TMEM176A: variants seen among roughly 807,000 people sequenced by gnomAD.
TMEM176A encodes transmembrane protein 176A, also known as hepatocellular carcinoma-associated antigen 112.
A neutral mutation model predicts 27.9 loss-of-function variants in TMEM176A; 20 were observed. The observed-to-expected ratio is 0.72, with a 90% CI of 0.50 to 1.04. The LOEUF is 1.04. Ranked by LOEUF, TMEM176A falls within the 50% of genes least tolerant of loss-of-function variation. The pLI, the probability that TMEM176A is intolerant of heterozygous loss-of-function variation, is 0.00. For synonymous variants in TMEM176A, 125 were observed against 118.0 expected, an observed-to-expected ratio of 1.06 and a Z score of -0.38; for missense variants, 252 against 289.1, an observed-to-expected ratio of 0.87 and a Z score of 0.93.
At chr7:150,803,897 A>G in intron 5 of TMEM176A, 65 bp downstream of exon 5, 2 of 1,498,864 alleles carry the variant, frequency 1.3e-6, no homozygotes, top group East Asian at 2.3e-5. Context: ...GGCCAGGGGC[A>G]AGAGTCAGGT....
chr7:150,800,865 T>A, intron 1 of TMEM176A, 37 bp downstream of exon 1: 6 of 976,392 alleles, frequency 6.1e-6, no homozygotes, highest in Non-Finnish European at 7.3e-6. Context: ...CCCCCGGGCC[T>A]CCTTCCGCAC....
At position 150,803,439 on chromosome 7, in the gene TMEM176A, C is replaced by T. The variant is rs117401275; in HGVS notation, c.325C>T (p.Arg109Trp). The change falls in exon 4 of 7, where the codon CGG becomes TGG. Residue 109 changes from arginine to tryptophan, a missense_variant. Physicochemically the swap from Arg to Trp is moderately radical, Grantham distance 101. Coordinates refer to ENST00000004103, the MANE Select transcript of TMEM176A (RefSeq NM_018487.3). ...AGAAAFIYEK[R>W]GGTYWALLRT... ...AGCTGCTGCCTTCATTTACGAGAAA[C>T]GGGGTGGTACATACTGGGTAAGTTC... 16,475 of 1,595,628 alleles carry T rather than the reference C, an allele frequency of 0.01. 126 individuals are homozygous for T. Among genetic ancestry groups the T allele is most frequent in the Middle Eastern group, 0.019 (115 of 5,948 alleles).
At chr7:150,801,139 C>G in intron 1 of TMEM176A, 1 of 270,754 alleles carries the variant, frequency 3.7e-6, no homozygotes, top group Non-Finnish European at 5.7e-6. Flanking sequence ...CACAGGAGCT[C>G]CACAGGCAGC....
chr7:150,802,265 C>T lies in TMEM176A; in HGVS notation c.225C>T (p.Phe75=), dbSNP rs139910384. 4.2e-5 allele frequency: 67 copies of T among 1,613,720 alleles called. 1 individual carries two copies. The highest frequency in any genetic ancestry group is 3.3e-4 in the Middle Eastern group (2 of 6,062). Reference sequence around the variant, plus strand: ...TGAGTGCAGTCCTAGGAGGATTTTTCTACATCCGCGACTACACCCTCCTCG... The same window carrying T: ...TGAGTGCAGTCCTAGGAGGATTTTTTTACATCCGCGACTACACCCTCCTCG... ...GILSAVLGGF[F]YIRDYTLLVT... is the part of the protein sequence containing the mutation. The change falls in exon 3 of 7, where the codon TTC becomes TTT. Residue 75 remains phenylalanine (F), a synonymous_variant. Coordinates refer to ENST00000004103, the MANE Select transcript of TMEM176A (RefSeq NM_018487.3).
intron 4 of TMEM176A, 29 bp downstream of exon 4, chr7:150,803,485 A>G (rs745745092): frequency 1.3e-6 from 2 of 1,579,868 alleles, no homozygotes; most frequent in Admixed American, 1.8e-5. Context: ...ATGGGAGGGG[A>G]CCAGGTTCAG....
intron 6 of TMEM176A, 126 bp downstream of exon 6, chr7:150,804,598 G>C: frequency 1.1e-6 from 1 of 944,444 alleles, no homozygotes; most frequent in Non-Finnish European, 1.6e-6. Flanking sequence ...CTATTATCAT[G>C]CCTGTCTTTC....
chr7:150,803,866 G>GGGGCAGGGATGGCCAGGCCA (rs753004433), intron 5 of TMEM176A, 34 bp downstream of exon 5: 1 of 1,606,222 alleles, frequency 6.2e-7, no homozygotes, highest in South Asian at 1.1e-5. Context: ...AGCAGCAGGT[G>GGGGCAGGGATGGCCAGGCCA]GGGCAGGGAT....
chr7:150,803,488 A>C, intron 4 of TMEM176A, 32 bp downstream of exon 4: 1 of 1,574,722 alleles, frequency 6.4e-7, no homozygotes, highest in Non-Finnish European at 8.6e-7. Flanking sequence ...GGAGGGGACC[A>C]GGTTCAGGCT....
rs1212430794 is a variant in TMEM176A at position 150,801,593 on chromosome 7, C to G, written c.43C>G (p.Gln15Glu). The change falls in exon 2 of 7, where the codon CAG becomes GAG. Residue 15 changes from glutamine to glutamate, a missense_variant. By Grantham distance (29) the Gln-to-Glu change is conservative. Coordinates refer to ENST00000004103, the MANE Select transcript of TMEM176A (RefSeq NM_018487.3). ...DSDEMAPEAP[Q>E]HTHIDVHIHQ... The stretch of plus-strand genomic sequence containing the variant: ...TGATGAGATGGCCCCGGAGGCCCCA[C>G]AGCACACCCACATCGATGTGCACAT... 6.2e-7 allele frequency: 1 copy of G among 1,613,154 alleles called. No homozygotes were observed. Among genetic ancestry groups the G allele is most frequent in the African/African-American group, 1.3e-5 (1 of 74,930 alleles).
intron 2 of TMEM176A, 49 bp downstream of exon 2, chr7:150,801,773 T>C (rs767570704): frequency 1.4e-6 from 2 of 1,439,524 alleles, no homozygotes; most frequent in Non-Finnish European, 9.1e-7. Flanking sequence ...ACTCCCCACC[T>C]CCAGCCGCAG....
At chr7:150,803,060 C>G (rs1296494826) in intron 3 of TMEM176A, 1 of 1,037,536 alleles carries the variant, frequency 9.6e-7, no homozygotes, top group Non-Finnish European at 1.2e-6. Flanking sequence ...TTGAGATCTT[C>G]TCCAGCACCC....
chr7:150,801,445 A>G, intron 1 of TMEM176A, 91 bp from the exon 2 acceptor site: 1 of 1,356,912 alleles, frequency 7.4e-7, no homozygotes, highest in Non-Finnish European at 1.0e-6. Flanking sequence ...GGTGACTTTG[A>G]GCCACCACTG....
intron 1 of TMEM176A, chr7:150,801,165 G>A: frequency 4.5e-6 from 1 of 220,026 alleles, no homozygotes; most frequent in Non-Finnish European, 8.0e-6. Flanking sequence ...ACTCGGTCCT[G>A]TCCCAGAGCC....
rs150287986 is a variant in TMEM176A at position 150,803,751 on chromosome 7, C to T, written c.474C>T (p.Asp158=). 8.1e-6 allele frequency: 13 copies of T among 1,614,098 alleles called. No homozygotes were observed. The highest frequency in any genetic ancestry group is 1.3e-5 in the African/African-American group (1 of 74,938). Residue 158 remains aspartate (D), a synonymous_variant, in exon 5 of 7, where the codon GAC becomes GAT. Coordinates refer to ENST00000004103, the MANE Select transcript of TMEM176A (RefSeq NM_018487.3). ...NSACRISSSS[D]WNTPAPTQSP... ...CCTGCCGCATCTCCAGCTCGAGTGA[C>T]TGGAACACTCCAGCCCCCACTCAGA... is the stretch of plus-strand genomic sequence containing the variant.
chr7:150,804,888 TAG>T lies in TMEM176A; in HGVS notation c.*21_*22del, dbSNP rs1333058017. On this transcript the variant is annotated 3_prime_UTR_variant, in exon 7 of 7. Transcript: ENST00000004103. ...ATCTAGCCATGCCTCTCCTGATTAT[TAG>T]TGCCTGGTGCTTCTGCACCGGGCGT... The T allele has an allele frequency of 6.2e-7, 1 of 1,613,874 alleles. No individual in the cohort carries two copies.
chr7:150,804,726 T>A, intron 6 of TMEM176A, 101 bp from the exon 7 acceptor site: 1 of 1,240,872 alleles, frequency 8.1e-7, no homozygotes, highest in South Asian at 1.2e-5. Flanking sequence ...TCAGGTACCA[T>A]GCTGCTGATT....
chr7:150,804,472 G>A lies in TMEM176A; in HGVS notation c.666G>A (p.Gly222=). 6.2e-7 allele frequency: 1 copy of A among 1,612,128 alleles called. No individual in the cohort carries two copies. The highest frequency in any genetic ancestry group is 8.5e-7 in the Non-Finnish European group (1 of 1,178,254). Residue 222 remains glycine, a splice_region_variant and synonymous_variant, in exon 6 of 7, where the codon GGG becomes GGA. Transcript: ENST00000004103. ...GCTGGAGAATGTTCCCAACCAAAGG[G>A]GTGAGTCCCTAAGGTGTGTGCCTGT... The part of the protein sequence containing the change: ...LYCWRMFPTK[G]KRDQKEMLEV...
intron 5 of TMEM176A, 134 bp from the exon 6 acceptor site, chr7:150,804,228 T>C (rs75947450): frequency 0.012 from 8,506 of 682,080 alleles, 384 homozygotes; most frequent in African/African-American, 0.11. Flanking sequence ...ATTGAATGCA[T>C]TGACTTCCCC....
intron 2 of TMEM176A, 136 bp downstream of exon 2, chr7:150,801,860 G>C: frequency 1.1e-6 from 1 of 950,302 alleles, no homozygotes; most frequent in Non-Finnish European, 1.5e-6. Flanking sequence ...GTGATTCTCT[G>C]GCCTTCTCAG....
Sources: allele counts gnomAD v4.1 joint callset, GRCh38; gene constraint gnomAD v4.1.1; transcripts MANE v1.5; gene names NCBI Gene and HGNC (gene_info 2026-07-23, HGNC 2026-07-21).